PDE8B: variants seen among roughly 807,000 people sequenced by gnomAD.
PDE8B encodes the protein high affinity cAMP-specific and IBMX-insensitive 3',5'-cyclic phosphodiesterase 8B.
Under a neutral mutation model 101.3 loss-of-function variants are expected in PDE8B, and 26 were observed. The observed-to-expected ratio is 0.26, with a 90% CI of 0.19 to 0.36. The LOEUF is 0.36. Among genes scored for constraint, PDE8B ranks in the 10% least tolerant of loss-of-function variants. PDE8B has a pLI of 1.00. For missense variants in PDE8B, 810 were observed against 1,163.1 expected (o/e 0.70, Z 4.42); for synonymous variants, 424 against 429.3 (o/e 0.99, Z 0.15).
the PDE8B span, among the ~76,000 whole-genome samples, chr5:77,198,613 G>T: frequency 6.6e-6 from 1 of 152,054 alleles, no homozygotes; most frequent in Non-Finnish European, 1.5e-5. Context: ...TATTCCATCT[G>T]TTTCCCTTCT....
At chr5:77,144,091 C>T in the PDE8B span, 3 of 152,112 alleles carry the variant, frequency 2.0e-5, no homozygotes, top group African/African-American at 7.2e-5. Context: ...TTTTGTAAAT[C>T]TGCTCAAAAG....
At chr5:77,277,189 T>A (rs187148995) in intron 1 of PDE8B, among the ~76,000 whole-genome samples, 39 of 152,340 alleles carry the variant, frequency 2.6e-4, no homozygotes, top group Non-Finnish European at 4.4e-5. Flanking sequence ...TTAAATACTA[T>A]GAATGTTTCT....
chr5:77,325,255 C>T (rs76670117), intron 2 of PDE8B, among the ~76,000 whole-genome samples: 3,982 of 152,296 alleles, frequency 0.026, 172 homozygotes, highest in African/African-American at 0.09. Context: ...GCAGCTTCTA[C>T]CTCCCAGGCT....
At position 77,387,273 on chromosome 5, in the gene PDE8B, C is replaced by A. The variant is rs1352596294; in HGVS notation, c.1168-12975C>A. 2.0e-5 allele frequency among the ~76,000 whole-genome samples: 3 copies of A among 152,182 alleles called. No homozygotes were observed. In the East Asian group the frequency reaches 5.8e-4, roughly 29 times the overall value. ...AAGGCAGGCCTGGTGTTGAGAAAATCTCTCGGTATTTGCTTGTCTGTAAAG... is the reference window on the plus strand; with the variant it reads ...AAGGCAGGCCTGGTGTTGAGAAAATATCTCGGTATTTGCTTGTCTGTAAAG... On this transcript the variant is annotated intron_variant, in intron 10 of 21. Coordinates refer to ENST00000264917, the MANE Select transcript of PDE8B (RefSeq NM_003719.5).
At chr5:77,117,776 C>T in the PDE8B span, among the ~76,000 whole-genome samples, 1 of 152,210 alleles carries the variant, frequency 6.6e-6, no homozygotes, top group Non-Finnish European at 1.5e-5. Context: ...ATATAAATCA[C>T]ATACTGTCTT....
chr5:77,355,268 C>T (rs1314150837), intron 10 of PDE8B, among the ~76,000 whole-genome samples: 4 of 152,188 alleles, frequency 2.6e-5, no homozygotes, highest in East Asian at 3.8e-4. Flanking sequence ...ATGCAGAGCT[C>T]GGATACCCTG....
intron 1 of PDE8B, among the ~76,000 whole-genome samples, chr5:77,270,945 T>C (rs1762647150): frequency 8.8e-6 from 1 of 114,054 alleles, no homozygotes; most frequent in Non-Finnish European, 2.0e-5. Flanking sequence ...GATCCTAGGC[T>C]CACCCCTCAT....
upstream of PDE8B, chr5:77,210,634 G>A: frequency 1.0e-6 from 1 of 982,354 alleles, no homozygotes; most frequent in Non-Finnish European, 1.2e-6. This position sits in a 1 kb window ranked among gnomAD's most constrained non-coding sequence, Gnocchi z 4.9. Flanking sequence ...CGTGTTTGGG[G>A]CGCCGCGGCG....
chr5:77,338,895 G>A (rs1023265362), intron 6 of PDE8B, among the ~76,000 whole-genome samples: 5 of 152,118 alleles, frequency 3.3e-5, no homozygotes, highest in Non-Finnish European at 7.4e-5. Context: ...GGTTTTTTAG[G>A]CAACATTACA....
intron 1 of PDE8B, among the ~76,000 whole-genome samples, chr5:77,276,635 C>A (rs76226349): frequency 0.017 from 2,616 of 152,290 alleles, 46 homozygotes; most frequent in South Asian, 0.12. Flanking sequence ...ATGTGTCTAA[C>A]TCACAGTGCT....
At chr5:77,376,049 C>T (rs969061800) in intron 10 of PDE8B, among the ~76,000 whole-genome samples, 1 of 152,056 alleles carries the variant, frequency 6.6e-6, no homozygotes, top group African/African-American at 2.4e-5. Context: ...TGTGCCACCA[C>T]GCCTGGCTAA....
chr5:77,137,693 G>A, the PDE8B span, among the ~76,000 whole-genome samples: 1 of 152,198 alleles, frequency 6.6e-6, no homozygotes, highest in Non-Finnish European at 1.5e-5. Flanking sequence ...CTTTGCTCCA[G>A]CTAAGAGCTC....
chr5:77,153,386 T>C, the PDE8B span, among the ~76,000 whole-genome samples: 3,886 of 152,334 alleles, frequency 0.026, 167 homozygotes, highest in African/African-American at 0.088. Flanking sequence ...ATTTGTGCAA[T>C]GAATGAATGT....
At chr5:77,414,602 T>C (rs1795167177) in intron 17 of PDE8B, among the ~76,000 whole-genome samples, 1 of 151,450 alleles carries the variant, frequency 6.6e-6, no homozygotes, top group African/African-American at 2.4e-5. Context: ...TTTTTTTTTT[T>C]TGTATTTTTA....
intron 1 of PDE8B, among the ~76,000 whole-genome samples, chr5:77,273,707 GC>G: frequency 1.3e-5 from 2 of 152,296 alleles, no homozygotes; most frequent in South Asian, 4.1e-4. Flanking sequence ...TAGGGCAAAA[GC>G]CATTTGAGGT....
intron 8 of PDE8B, 29 bp downstream of exon 8, chr5:77,349,588 G>A (rs778290491): frequency 3.1e-6 from 5 of 1,613,322 alleles, no homozygotes; most frequent in Non-Finnish European, 3.4e-6. Flanking sequence ...ACCAATCCAC[G>A]AACCCTCTCC....
At position 77,351,146 on chromosome 5, in the gene PDE8B, C is replaced by A; in HGVS notation, c.1099C>A (p.Gln367Lys). Residue 367 changes from glutamine to lysine, a missense_variant, in exon 9 of 22, where the codon CAA becomes AAA. Gln to Lys is a moderately conservative substitution (Grantham distance 53, BLOSUM62 1). Coordinates refer to ENST00000264917, the MANE Select transcript of PDE8B (RefSeq NM_003719.5). ...QHVKITPVIG[Q>K]GGKIRHFVSL... ...CGTGAAGATCACCCCAGTGATTGGC[C>A]AAGGAGGGTGAGAGCAAACTGTTCA... The A allele has an allele frequency of 6.2e-7, 1 of 1,611,736 alleles. No homozygotes were observed. The highest frequency in any genetic ancestry group is 8.5e-7 in the Non-Finnish European group (1 of 1,177,848).
chr5:77,149,729 C>T, the PDE8B span, among the ~76,000 whole-genome samples: 5 of 152,072 alleles, frequency 3.3e-5, no homozygotes, highest in Non-Finnish European at 7.4e-5. Context: ...CTAAATTCTT[C>T]GATTAGTTCT....
chr5:77,404,287 A>G (rs1382590149), intron 11 of PDE8B, among the ~76,000 whole-genome samples: 1 of 151,630 alleles, frequency 6.6e-6, no homozygotes, highest in Non-Finnish European at 1.5e-5. Context: ...TGCCCAGCCT[A>G]ATTTTATGTA....
Sources: allele counts gnomAD v4.1 joint callset (sites outside exome capture counted in the v4.1 genomes callset), GRCh38; gene constraint gnomAD v4.1.1; non-coding constraint Gnocchi (gnomAD v3.1); transcripts MANE v1.5; gene names NCBI Gene and HGNC (gene_info 2026-07-23, HGNC 2026-07-21).